The following PTPRN2 variants were observed in gnomAD, a reference collection of about 807,000 sequenced individuals.
The protein encoded by PTPRN2 is protein tyrosine phosphatase receptor type N2.
In PTPRN2, 74 loss-of-function variants were observed where a neutral mutation model predicts 118.8. The ratio of observed to expected loss-of-function variants is 0.62; its 90% CI spans 0.52 to 0.76. The LOEUF (loss-of-function observed/expected upper bound fraction) is 0.76. PTPRN2 is among the 30% of genes least tolerant of loss of function. PTPRN2 has a pLI of 0.00. For synonymous variants in PTPRN2, 641 were observed against 608.0 expected, an observed-to-expected ratio of 1.05 and a Z score of -0.80; for missense variants, 1,481 against 1,394.4, an observed-to-expected ratio of 1.06 and a Z score of -0.99.
At chr7:158,272,918 C>T (rs573693787) in intron 3 of PTPRN2, among the ~76,000 whole-genome samples, 8 of 152,288 alleles carry the variant, frequency 5.3e-5, no homozygotes, top group East Asian at 1.9e-4. Flanking sequence ...CCCCCCAGCC[C>T]GGTGCATGCA....
chr7:158,025,421 C>A (rs184703528), intron 11 of PTPRN2, among the ~76,000 whole-genome samples: 13 of 152,350 alleles, frequency 8.5e-5, no homozygotes, highest in African/African-American at 2.9e-4. Context: ...CTGGCACCCC[C>A]AGCACGGCCG....
intron 19 of PTPRN2, 68 bp from the exon 20 acceptor site, chr7:157,571,561 TAAAAC>T (rs1388281565): frequency 3.3e-6 from 4 of 1,215,516 alleles, no homozygotes; most frequent in Non-Finnish European, 4.7e-6. Context: ...AAACAACTAT[TAAAAC>T]AAAGCGCAAG....
At chr7:158,406,141 G>T (rs112149446) in intron 2 of PTPRN2, among the ~76,000 whole-genome samples, 17 of 97,818 alleles carry the variant, frequency 1.7e-4, no homozygotes, top group South Asian at 3.5e-4. Context: ...GAGACACGTG[G>T]CCGCACACTG....
rs149619074 is a variant in PTPRN2 at position 158,172,181 on chromosome 7, A to G, written c.550-4890T>C. On this transcript the variant is annotated intron_variant, in intron 5 of 22. Transcript: ENST00000389418. ...GAAGGCTCACTGAAAGACTGGCCCA[A>G]TCCTGTCAGTTCTGTGTAACTTGTG... is the stretch of plus-strand genomic sequence containing the variant. 8.5e-3 allele frequency among the ~76,000 whole-genome samples: 1,294 copies of G among 152,348 alleles called. 8 individuals are homozygous for G. The highest frequency in any genetic ancestry group is 0.027 in the Middle Eastern group (8 of 294).
At position 157,739,925 on chromosome 7, in the gene PTPRN2, C is replaced by T. The variant is rs892505830; in HGVS notation, c.1789-56988G>A. 4.6e-5 allele frequency among the ~76,000 whole-genome samples: 7 copies of T among 152,348 alleles called. No homozygotes were observed. The East Asian group carries it at 1.4e-3, about 29-fold the overall frequency. On this transcript the variant is annotated intron_variant, in intron 12 of 22. Transcript: ENST00000389418. ...GCAAGACAGAGCAGCTTTCCTCTGA[C>T]CTCTTCCTCTTCCAGAAGCCAGAGC... is the stretch of plus-strand genomic sequence containing the variant.
At position 158,319,161 on chromosome 7, in the gene PTPRN2, G is replaced by A. The variant is rs183907075; in HGVS notation, c.164-2229C>T. Among the ~76,000 whole-genome samples the A allele has an allele frequency of 2.8e-3, 421 of 152,168 alleles. 4 individuals carry two copies. Among genetic ancestry groups the A allele is most frequent in the Middle Eastern group, 0.02 (6 of 294 alleles). On this transcript the variant is annotated intron_variant, in intron 2 of 22. Coordinates refer to ENST00000389418, the MANE Select transcript of PTPRN2 (RefSeq NM_002847.5). The stretch of plus-strand genomic sequence containing the variant: ...TACAATATAATGCATAATATAGTTT[G>A]TGCTTTTAAAATCAGTTTTAGCTAA...
chr7:157,861,082 G>A lies in PTPRN2; in HGVS notation c.1788+37591C>T, dbSNP rs113632547. ...GTGGGGGTTGGAAGAGGAACCCCACGGCACAGCGGACACCATGTGGGACCC... is the reference window on the plus strand; with the variant it reads ...GTGGGGGTTGGAAGAGGAACCCCACAGCACAGCGGACACCATGTGGGACCC... On this transcript the variant is annotated intron_variant, in intron 12 of 22. Transcript: ENST00000389418. This position sits in a 1 kb window ranked among gnomAD's most constrained non-coding sequence, Gnocchi z 5.8. Among the ~76,000 whole-genome samples, 5 of 152,114 alleles carry A rather than the reference G, an allele frequency of 3.3e-5. No homozygotes were observed. The highest frequency in any genetic ancestry group is 2.0e-4 in the Admixed American group (3 of 15,278).
chr7:157,838,608 G>T (rs940272975), intron 12 of PTPRN2, among the ~76,000 whole-genome samples: 1 of 101,166 alleles, frequency 9.9e-6, no homozygotes, highest in Non-Finnish European at 1.9e-5. Context: ...CCTCTCCACC[G>T]TGGCTACTCC....
At chr7:158,140,427 C>T (rs535547166) in intron 6 of PTPRN2, among the ~76,000 whole-genome samples, 13 of 152,302 alleles carry the variant, frequency 8.5e-5, no homozygotes, top group Non-Finnish European at 1.6e-4. Context: ...CAGCCTGACT[C>T]CTCATAGTTC....
intron 2 of PTPRN2, among the ~76,000 whole-genome samples, chr7:158,318,961 G>A (rs1802578795): frequency 6.6e-6 from 1 of 152,294 alleles, no homozygotes. Flanking sequence ...TTTTCATAAA[G>A]AAAAATGGCC....
At chr7:157,918,230 T>C (rs1798516987) in intron 11 of PTPRN2, among the ~76,000 whole-genome samples, 1 of 152,238 alleles carries the variant, frequency 6.6e-6, no homozygotes, top group East Asian at 1.9e-4. Context: ...AAATGAGGTA[T>C]CCTGAAGTGT....
chr7:157,689,093 A>C (rs1197109968), intron 12 of PTPRN2, among the ~76,000 whole-genome samples: 3 of 152,110 alleles, frequency 2.0e-5, no homozygotes, highest in Admixed American at 6.5e-5. Context: ...CGGGCGGCGC[A>C]GCCGCCACCG....
At chr7:157,879,752 G>A (rs895733693) in intron 12 of PTPRN2, among the ~76,000 whole-genome samples, 4 of 150,960 alleles carry the variant, frequency 2.6e-5, no homozygotes, top group Admixed American at 1.3e-4. Context: ...CTCACCCCAC[G>A]TGAGCCCGGC....
At chr7:158,136,856 C>T (rs1288605378) in intron 7 of PTPRN2, among the ~76,000 whole-genome samples, 161 bp from the exon 8 acceptor site, 1 of 152,182 alleles carries the variant, frequency 6.6e-6, no homozygotes, top group African/African-American at 2.4e-5. Context: ...CTGTTTATAG[C>T]ACAAAATGGC....
intron 10 of PTPRN2, among the ~76,000 whole-genome samples, chr7:158,085,398 G>A (rs554324811): frequency 0.1 from 973 of 9,280 alleles, 76 homozygotes; most frequent in Middle Eastern, 0.5. Context: ...CCACACCCAC[G>A]ACGCCCATCC....
intron 15 of PTPRN2, among the ~76,000 whole-genome samples, chr7:157,614,640 C>T (rs1382239336): frequency 6.6e-6 from 1 of 152,136 alleles, no homozygotes; most frequent in Non-Finnish European, 1.5e-5. Flanking sequence ...CCTGATGCCC[C>T]TGTGTGACGA....
At chr7:158,417,758 T>TAGCA (rs56421444) in intron 2 of PTPRN2, among the ~76,000 whole-genome samples, 1 of 59,210 alleles carries the variant, frequency 1.7e-5, no homozygotes, top group Non-Finnish European at 3.4e-5. Context: ...CGAGATGCTC[T>TAGCA]CTCAGTGTCC....
At position 157,576,640 on chromosome 7, in the gene PTPRN2, G is replaced by C; in HGVS notation, c.2756C>G (p.Ser919Cys). The C allele has an allele frequency of 6.2e-7, 1 of 1,612,742 alleles. No homozygotes were observed. Among genetic ancestry groups the C allele is most frequent in the Non-Finnish European group, 8.5e-7 (1 of 1,179,428 alleles). ...GCGGAAGTCCAGGAGGGACCTTGAG[G>C]AGGAAGGGACTCCTCGGTCATACCA... is the stretch of plus-strand genomic sequence containing the variant. ...LSWYDRGVPSSSRSLLDFRRK... is the reference protein window; with the variant it reads ...LSWYDRGVPSCSRSLLDFRRK... Residue 919 changes from serine to cysteine, a missense_variant, in exon 19 of 23, where the codon TCC becomes TGC. Coordinates refer to ENST00000389418, the MANE Select transcript of PTPRN2 (RefSeq NM_002847.5).
chr7:158,255,989 T>C (rs1402711390), intron 3 of PTPRN2, among the ~76,000 whole-genome samples: 6 of 152,192 alleles, frequency 3.9e-5, no homozygotes, highest in African/African-American at 1.2e-4. Flanking sequence ...AGGAAACCCC[T>C]TGCTGGGAGA....
Sources: gnomAD v4.1 joint callset for allele counts (sites outside exome capture counted in the v4.1 genomes callset) on GRCh38, gnomAD v4.1.1 for gene constraint, Gnocchi (gnomAD v3.1) non-coding constraint, MANE v1.5 for transcripts, NCBI Gene and HGNC (gene_info 2026-07-23, HGNC 2026-07-21) for gene names.